The following TRAF1 variants were observed in gnomAD, a reference collection of about 807,000 sequenced individuals.
TRAF1 encodes TNF receptor associated factor 1.
In TRAF1, 23 loss-of-function variants were observed where a neutral mutation model predicts 40.9. The ratio of observed to expected loss-of-function variants is 0.56; its 90% CI spans 0.40 to 0.80. The LOEUF is 0.80. Ranked by LOEUF, TRAF1 falls within the 30% of genes least tolerant of loss-of-function variation. TRAF1 has a pLI of 0.00. For missense variants in TRAF1, 477 were observed against 528.7 expected (o/e 0.90, Z 0.96); for synonymous variants, 206 against 218.8 (o/e 0.94, Z 0.52).
At chr9:120,915,263 G>A (rs1384896917) in intron 3 of TRAF1, among the ~76,000 whole-genome samples, 2 of 152,192 alleles carry the variant, frequency 1.3e-5, no homozygotes, top group East Asian at 1.9e-4. Context: ...GAAACTCTGT[G>A]ACAGCGTATT....
chr9:120,905,312 G>T, intron 7 of TRAF1, 74 bp from the exon 8 acceptor site: 1 of 1,456,066 alleles, frequency 6.9e-7, no homozygotes. Flanking sequence ...CTTGGGCTCA[G>T]AGCTGTGCTC....
At chr9:120,914,936 T>C (rs914220931) in intron 3 of TRAF1, among the ~76,000 whole-genome samples, 8 of 152,200 alleles carry the variant, frequency 5.3e-5, no homozygotes, top group Admixed American at 3.3e-4. Flanking sequence ...TGGCCATAAT[T>C]CTTCCTAGGG....
chr9:120,923,343 C>T (rs926400017), intron 3 of TRAF1, among the ~76,000 whole-genome samples: 1 of 152,174 alleles, frequency 6.6e-6, no homozygotes, highest in African/African-American at 2.4e-5. Flanking sequence ...CTCACAGCCT[C>T]GAGAATTACA....
Position 120,902,521 on chromosome 9 carries a change from G to T in TRAF1, c.*2499C>A, listed in dbSNP as rs924192843. ...GGGCAGGGCGGGGGGTGGGGGGGGG[G>T]GCGGTGGGCACTGCTGCATCTGATG... On this transcript the variant is annotated 3_prime_UTR_variant, in exon 8 of 8. Transcript: ENST00000373887. 22 of 143,298 alleles carry T rather than the reference G, an allele frequency of 1.5e-4. No homozygotes were observed. The East Asian group carries it at 3.3e-3, about 22-fold the overall frequency. 8.9% of individuals were successfully genotyped at this position (143,298 alleles called of 1,614,324 possible). A position where few individuals can be genotyped will look rare whatever the true frequency, so the allele number is the denominator to read the frequency against.
At chr9:120,928,412 G>C (rs1171500392), upstream of TRAF1, 5 of 152,308 alleles carry the variant, frequency 3.3e-5, no homozygotes, top group African/African-American at 1.2e-4. Flanking sequence ...CCCTGGGCCC[G>C]CCCCAGTTTC....
chr9:120,912,786 G>A (rs917095447), intron 5 of TRAF1, among the ~76,000 whole-genome samples: 1 of 152,218 alleles, frequency 6.6e-6, no homozygotes, highest in Non-Finnish European at 1.5e-5. Context: ...TACTCCAAGC[G>A]TACAGAATTC....
At chr9:120,909,514 G>T in intron 6 of TRAF1, 136 bp from the exon 7 acceptor site, 1 of 1,035,638 alleles carries the variant, frequency 9.7e-7, no homozygotes, top group Non-Finnish European at 1.4e-6. Flanking sequence ...CATTCTTCTC[G>T]AGTAGGGTGT....
rs1351698256 is a variant in TRAF1, at chr9:120,903,165, C to T, written c.*1855G>A. ...GTCAGCAGGAAGAAGTCAGTCTCCACTGCCTCCACAGTCTCCGCTGCCACG... is the reference window on the plus strand; with the variant it reads ...GTCAGCAGGAAGAAGTCAGTCTCCATTGCCTCCACAGTCTCCGCTGCCACG... On this transcript the variant is annotated 3_prime_UTR_variant, in exon 8 of 8. Transcript: ENST00000373887. 1 of 152,310 alleles carries T rather than the reference C, an allele frequency of 6.6e-6. No homozygotes were observed. Among genetic ancestry groups the T allele is most frequent in the Non-Finnish European group, 1.5e-5 (1 of 68,084 alleles). The allele number at this position is 152,310 out of a possible 1,614,324, so 9.4% of individuals were successfully genotyped here. A position where few individuals can be genotyped will look rare whatever the true frequency, so the allele number is the denominator to read the frequency against.
rs1564524007 is a variant in TRAF1, at chr9:120,902,523, C to CTT, written c.*2496_*2497insAA. The CTT allele has an allele frequency of 7.7e-5, 2 of 26,100 alleles. No homozygotes were observed. The highest frequency in any genetic ancestry group is 1.8e-3 in the East Asian group (2 of 1,088). The allele number at this position is 26,100 out of a possible 1,614,324, so 1.6% of individuals were successfully genotyped here. On this transcript the variant is annotated 3_prime_UTR_variant, in exon 8 of 8. Transcript: ENST00000373887. Reference sequence around the variant, plus strand: ...GCAGGGCGGGGGGTGGGGGGGGGGGCGGTGGGCACTGCTGCATCTGATGCT... The same window carrying CTT: ...GCAGGGCGGGGGGTGGGGGGGGGGGCTTGGTGGGCACTGCTGCATCTGATGCT...
Position 120,925,954 on chromosome 9 carries a change from C to T in TRAF1, c.122G>A (p.Cys41Tyr). The T allele has an allele frequency of 6.2e-7, 1 of 1,614,006 alleles. No individual in the cohort carries two copies. Among genetic ancestry groups the T allele is most frequent in the Non-Finnish European group, 8.5e-7 (1 of 1,179,934 alleles). ...KEPRALCCAG[C>Y]LSENPRNGED... ...ACCTCACCTCGGGTTCTCAGAGAGA[C>T]AGCCTGCACAGCAGAGAGCCCTGGG... The change falls in exon 2 of 8, where the codon TGT becomes TAT. Residue 41 changes from cysteine (C) to tyrosine (Y), a missense_variant. Coordinates refer to ENST00000373887, the MANE Select transcript of TRAF1 (RefSeq NM_005658.5).
In TRAF1 at chr9:120,914,412, CT is replaced by C. The variant is rs1588150532; in HGVS notation, c.229-113del. On this transcript the variant is annotated intron_variant, in intron 3 of 7. Transcript: ENST00000373887. ...GCAGGAGATGGCTTGGGCCACATGA[CT>C]TTGCACACTGCTGTTCCCTTTGGCT... The C allele has an allele frequency of 7.1e-6, 9 of 1,272,536 alleles. No individual in the cohort carries two copies. In the East Asian group the frequency reaches 2.7e-4, roughly 38 times the overall value. 78.8% of individuals were successfully genotyped at this position (1,272,536 alleles called of 1,614,324 possible).
intron 7 of TRAF1, among the ~76,000 whole-genome samples, chr9:120,908,733 T>A (rs1273816331): frequency 6.6e-6 from 1 of 152,166 alleles, no homozygotes; most frequent in East Asian, 1.9e-4. Context: ...CTAATTTTTT[T>A]ATTTTTAGTA....
At chr9:120,912,655 C>T (rs991153985) in intron 5 of TRAF1, among the ~76,000 whole-genome samples, 1 of 134,938 alleles carries the variant, frequency 7.4e-6, no homozygotes, top group African/African-American at 2.7e-5. Flanking sequence ...TACTCTGTCT[C>T]AAAGGAAAAA....
chr9:120,911,395 T>C lies in TRAF1; in HGVS notation c.824A>G (p.Asn275Ser), dbSNP rs142785682. Residue 275 changes from asparagine to serine, a missense_variant, in exon 6 of 8, where the codon AAT becomes AGT. By Grantham distance (46) the Asn-to-Ser change is conservative. Coordinates refer to ENST00000373887, the MANE Select transcript of TRAF1 (RefSeq NM_005658.5). ...FDGTFLWKIT[N>S]VTRRCHESAC... Reference sequence around the variant, plus strand: ...CGACTCATGGCACCGCCTGGTGACATTGGTGATCTTCCACAGGAAAGTGCC... The same window carrying C: ...CGACTCATGGCACCGCCTGGTGACACTGGTGATCTTCCACAGGAAAGTGCC... The C allele has an allele frequency of 1.6e-4, 256 of 1,613,634 alleles. No homozygotes were observed. Among genetic ancestry groups the C allele is most frequent in the South Asian group, 2.3e-4 (21 of 91,084 alleles).
intron 7 of TRAF1, among the ~76,000 whole-genome samples, chr9:120,905,846 T>C (rs2046476889): frequency 6.6e-6 from 1 of 152,242 alleles, no homozygotes; most frequent in Admixed American, 6.5e-5. Context: ...ATCAGGAAGC[T>C]GAATGGCTTC....
chr9:120,916,653 C>G (rs2046571332), intron 3 of TRAF1, among the ~76,000 whole-genome samples: 1 of 152,076 alleles, frequency 6.6e-6, no homozygotes, highest in South Asian at 2.1e-4. Context: ...GGTTGAGACA[C>G]AGAACACAGC....
At chr9:120,923,090 C>T (rs147679232) in intron 3 of TRAF1, among the ~76,000 whole-genome samples, 122 of 152,272 alleles carry the variant, frequency 8.0e-4, no homozygotes, top group East Asian at 1.9e-4. Context: ...CCGCCCACCT[C>T]GGCCTCCCAA....
At chr9:120,921,016 A>T (rs2046601100) in intron 3 of TRAF1, among the ~76,000 whole-genome samples, 1 of 152,090 alleles carries the variant, frequency 6.6e-6, no homozygotes, top group Non-Finnish European at 1.5e-5. Context: ...TGATCAGACC[A>T]TGACTTACCG....
At chr9:120,921,888 G>C in intron 3 of TRAF1, among the ~76,000 whole-genome samples, 1 of 152,142 alleles carries the variant, frequency 6.6e-6, no homozygotes, top group African/African-American at 2.4e-5. Flanking sequence ...AGCGGTAGGG[G>C]GATAGCTGCC....
Sources: allele counts gnomAD v4.1 joint callset (sites outside exome capture counted in the v4.1 genomes callset), GRCh38; gene constraint gnomAD v4.1.1; transcripts MANE v1.5; gene names NCBI Gene and HGNC (gene_info 2026-07-23, HGNC 2026-07-21).